The following PRKCZ variants were observed in gnomAD, a reference collection of about 807,000 sequenced individuals.
PRKCZ encodes the protein protein kinase C zeta type.
In PRKCZ, 33 loss-of-function variants were observed where a neutral mutation model predicts 79.5. That is an observed-to-expected ratio of 0.41 (90% CI 0.31 to 0.55). PRKCZ has a LOEUF of 0.55. Among genes scored for constraint, PRKCZ ranks in the 20% least tolerant of loss-of-function variants. PRKCZ has a pLI of 0.19. For missense variants in PRKCZ, 578 were observed against 813.5 expected, an observed-to-expected ratio of 0.71 and a Z score of 3.52; for synonymous variants, 342 against 320.9, an observed-to-expected ratio of 1.07 and a Z score of -0.70.
In PRKCZ at chr1:2,050,644, C is replaced by T; in HGVS notation, c.14C>T (p.Thr5Ile). The change falls in exon 1 of 18, where the codon ACC becomes ATC. Residue 5 changes from threonine (T) to isoleucine (I), a missense_variant. Physicochemically the swap from Thr to Ile is moderately conservative, Grantham distance 89. Transcript: ENST00000378567. Reference protein sequence around the residue: MPSRTGPKMEGSGGR... With the variant: MPSRIGPKMEGSGGR... ...GGGGAGCGCGCCATGCCCAGCAGGA[C>T]CGGCCCCAAGATGGAAGGGAGCGGC... 1 of 1,226,560 alleles carries T rather than the reference C, an allele frequency of 8.2e-7. No individual in the cohort carries two copies. Among genetic ancestry groups the T allele is most frequent in the Non-Finnish European group, 1.0e-6 (1 of 984,484 alleles). The allele number at this position is 1,226,560 out of a possible 1,614,324, so 76.0% of individuals were successfully genotyped here. A position where few individuals can be genotyped will look rare whatever the true frequency, so the allele number is the denominator to read the frequency against.
chr1:2,129,644 G>C (rs186722713), intron 4 of PRKCZ, among the ~76,000 whole-genome samples: 3 of 152,114 alleles, frequency 2.0e-5, no homozygotes, highest in African/African-American at 7.2e-5. Flanking sequence ...AGCCAGGCAG[G>C]GGGGGTCTCT....
chr1:2,159,388 G>A (rs1402898468), intron 10 of PRKCZ, among the ~76,000 whole-genome samples: 1 of 152,258 alleles, frequency 6.6e-6, no homozygotes, highest in East Asian at 1.9e-4. Context: ...TGGTTCTGCT[G>A]GAACATCCAG....
At chr1:2,102,528 T>C (rs1385116063) in intron 4 of PRKCZ, among the ~76,000 whole-genome samples, 1 of 151,850 alleles carries the variant, frequency 6.6e-6, no homozygotes, top group Non-Finnish European at 1.5e-5. Flanking sequence ...GAGATGGGGT[T>C]TCACTGTGTT....
chr1:2,048,867 G>A (rs1476864140), upstream of PRKCZ, among the ~76,000 whole-genome samples: 2 of 152,172 alleles, frequency 1.3e-5, no homozygotes, highest in Non-Finnish European at 2.9e-5. Flanking sequence ...CAAAGGCCAA[G>A]TTAAGAAAAT....
chr1:2,181,926 T>C (rs1200623724), intron 16 of PRKCZ: 2 of 453,604 alleles, frequency 4.4e-6, no homozygotes, highest in African/African-American at 4.0e-5. Flanking sequence ...TGAGCCGTTC[T>C]GCCTAAGGGA....
At chr1:2,135,193 G>T (rs962291903) in intron 4 of PRKCZ, 69 bp from the exon 5 acceptor site, 10 of 1,380,622 alleles carry the variant, frequency 7.2e-6, no homozygotes, top group Non-Finnish European at 1.0e-5. Flanking sequence ...GTGGCCTGTC[G>T]CAGCTGCACC....
At chr1:2,088,529 G>T (rs1205880494) in intron 4 of PRKCZ, among the ~76,000 whole-genome samples, 1 of 152,198 alleles carries the variant, frequency 6.6e-6, no homozygotes, top group Non-Finnish European at 1.5e-5. Flanking sequence ...ATTGCCGCGT[G>T]ACTCAGCCTC....
chr1:2,067,671 G>A (rs1364118590), intron 4 of PRKCZ, among the ~76,000 whole-genome samples: 1 of 152,124 alleles, frequency 6.6e-6, no homozygotes, highest in African/African-American at 2.4e-5. Context: ...CAGGTGCCTC[G>A]GGCCCCTCTC....
intron 10 of PRKCZ, among the ~76,000 whole-genome samples, chr1:2,166,782 C>T (rs1378299251): frequency 6.6e-6 from 1 of 152,226 alleles, no homozygotes; most frequent in African/African-American, 2.4e-5. Context: ...CCCTTGGGGT[C>T]AGGACTGTGT....
At chr1:2,080,683 C>T (rs1341716353) in intron 4 of PRKCZ, among the ~76,000 whole-genome samples, 1 of 152,184 alleles carries the variant, frequency 6.6e-6, no homozygotes, top group Non-Finnish European at 1.5e-5. Flanking sequence ...AGTCTCGGCA[C>T]CTTTCCAGCT....
At chr1:2,097,091 C>T (rs1666659087) in intron 4 of PRKCZ, among the ~76,000 whole-genome samples, 1 of 152,254 alleles carries the variant, frequency 6.6e-6, no homozygotes, top group Non-Finnish European at 1.5e-5. Context: ...GCTTCATCGC[C>T]TGCACAGGAA....
At chr1:2,147,931 C>T (rs541288789) in intron 7 of PRKCZ, among the ~76,000 whole-genome samples, 2 of 150,904 alleles carry the variant, frequency 1.3e-5, no homozygotes, top group South Asian at 2.1e-4. Flanking sequence ...CTGACCTCTC[C>T]GTCTATCCAT....
At chr1:2,080,155 C>T (rs77283819) in intron 4 of PRKCZ, among the ~76,000 whole-genome samples, 3,593 of 152,288 alleles carry the variant, frequency 0.024, 136 homozygotes, top group African/African-American at 0.082. Context: ...CTGTCCTCCT[C>T]TTTGCTGTTA....
chr1:2,104,862 T>C, intron 4 of PRKCZ: 1 of 985,538 alleles, frequency 1.0e-6, no homozygotes, highest in Non-Finnish European at 1.2e-6. Flanking sequence ...GGTGAGTGTG[T>C]GCTGTCTTCA....
At chr1:2,060,897 A>G (rs868016842) in intron 4 of PRKCZ, among the ~76,000 whole-genome samples, 1 of 152,118 alleles carries the variant, frequency 6.6e-6, no homozygotes, top group Admixed American at 6.5e-5. Context: ...CCTGGTGGTG[A>G]CCTTTCCCGG....
At chr1:2,093,916 C>T (rs989605979) in intron 4 of PRKCZ, among the ~76,000 whole-genome samples, 21 of 152,074 alleles carry the variant, frequency 1.4e-4, no homozygotes, top group Admixed American at 9.8e-4. Context: ...AGCCCTTGGC[C>T]GGGCACTAAG....
rs1056992808 is a variant in PRKCZ, at chr1:2,159,778, C to T, written c.974+3686C>T. On this transcript the variant is annotated intron_variant, in intron 10 of 17. Coordinates refer to ENST00000378567, the MANE Select transcript of PRKCZ (RefSeq NM_002744.6). ...CCTGCTTTATGGACAAACCATACCCCATATCTACACAGACAGCCCACCTTT... is the reference window on the plus strand; with the variant it reads ...CCTGCTTTATGGACAAACCATACCCTATATCTACACAGACAGCCCACCTTT... Among the ~76,000 whole-genome samples, 3 of 151,138 alleles carry T rather than the reference C, an allele frequency of 2.0e-5. 1 individual carries two copies. The highest frequency in any genetic ancestry group is 4.4e-5 in the Non-Finnish European group (3 of 67,762).
Position 2,059,528 on chromosome 1 carries a change from C to T in PRKCZ, c.284-13C>T, listed in dbSNP as rs763045907. On this transcript the variant is annotated splice_polypyrimidine_tract_variant and intron_variant, in intron 3 of 17. Transcript: ENST00000378567. ...CAGGGTCTTGACGCTGTCTCTTTCT[C>T]TCTCTTGTCCAGTTTTCCCGAGCAC... 9 of 1,613,896 alleles carry T rather than the reference C, an allele frequency of 5.6e-6. No homozygotes were observed. Among genetic ancestry groups the T allele is most frequent in the Admixed American group, 5.0e-5 (3 of 60,002 alleles).
intron 7 of PRKCZ, among the ~76,000 whole-genome samples, chr1:2,146,789 A>G (rs887882177): frequency 1.3e-5 from 2 of 152,154 alleles, no homozygotes; most frequent in Admixed American, 6.5e-5. Flanking sequence ...CTTAGTTCAC[A>G]CAGTGCCTCA....
Sources: gnomAD v4.1 joint callset for allele counts (sites outside exome capture counted in the v4.1 genomes callset) on GRCh38, gnomAD v4.1.1 for gene constraint, MANE v1.5 for transcripts, NCBI Gene and HGNC (gene_info 2026-07-23, HGNC 2026-07-21) for gene names.